PCCB: variants seen among roughly 807,000 people sequenced by gnomAD.
PCCB encodes the protein propionyl-CoA carboxylase subunit beta, also known as propionyl-CoA carboxylase beta chain, mitochondrial.
PCCB carries 43 observed loss-of-function variants against 60.7 expected under a neutral mutation model. That is an observed-to-expected ratio of 0.71 (90% CI 0.55 to 0.91). The LOEUF is 0.91. Ranked by LOEUF, PCCB falls within the 40% of genes least tolerant of loss-of-function variation. The pLI is 0.00. For synonymous variants in PCCB, 276 were observed against 255.9 expected (o/e 1.08, Z -0.75); for missense variants, 766 against 702.8 (o/e 1.09, Z -1.02).
At chr3:136,299,643 T>C (rs2032343815) in intron 8 of PCCB, among the ~76,000 whole-genome samples, 1 of 117,044 alleles carries the variant, frequency 8.5e-6, no homozygotes, top group Non-Finnish European at 1.8e-5. Flanking sequence ...TGTGTATGTA[T>C]GTATATGCAT....
chr3:136,251,762 C>CT (rs1941523732), intron 1 of PCCB, among the ~76,000 whole-genome samples: 1 of 152,192 alleles, frequency 6.6e-6, no homozygotes, highest in Non-Finnish European at 1.5e-5. Context: ...GGAACATCGC[C>CT]TAGCCCTTTC....
At chr3:136,262,154 T>C in intron 5 of PCCB, 89 bp downstream of exon 5, 2 of 823,830 alleles carry the variant, frequency 2.4e-6, no homozygotes, top group South Asian at 1.4e-5. Context: ...ACTCTCCTCA[T>C]TGTTCTCTGC....
rs1209661538 is a variant in PCCB at position 136,299,838 on chromosome 3, GTGTATGTATATGCATGCATA to G, written c.885-1172_885-1153del. 2.5e-4 allele frequency among the ~76,000 whole-genome samples: 37 copies of G among 148,836 alleles called. 1 individual carries two copies. The highest frequency in any genetic ancestry group is 1.2e-3 in the South Asian group (6 of 4,802). On this transcript the variant is annotated intron_variant, in intron 8 of 14. Transcript: ENST00000251654. ...TGCATGTGTATGTATGTATATGCAT[GTGTATGTATATGCATGCATA>G]TGTATGTATATGCATGCATGTGTAT...
intron 10 of PCCB, among the ~76,000 whole-genome samples, chr3:136,322,258 A>G (rs528617056): frequency 6.6e-5 from 10 of 152,316 alleles, no homozygotes; most frequent in African/African-American, 2.4e-4. Flanking sequence ...ATGATAGATT[A>G]CGTTAATTGA....
chr3:136,264,955 G>A (rs111731062), intron 5 of PCCB, among the ~76,000 whole-genome samples: 1,742 of 151,828 alleles, frequency 0.011, 32 homozygotes, highest in East Asian at 0.047. Context: ...CAGCACTTTG[G>A]GAGGCCGAGG....
At chr3:136,314,672 AAAC>A (rs575156876) in intron 9 of PCCB, among the ~76,000 whole-genome samples, 224 of 151,582 alleles carry the variant, frequency 1.5e-3, no homozygotes, top group Non-Finnish European at 2.7e-3. Context: ...ACAAAAACAA[AAAC>A]AAAAAAACAA....
chr3:136,296,804 T>C (rs1240867889), intron 7 of PCCB, among the ~76,000 whole-genome samples: 1 of 152,138 alleles, frequency 6.6e-6, no homozygotes, highest in Non-Finnish European at 1.5e-5. Context: ...GAATTAAAAA[T>C]TTAAAATAGA....
In PCCB at chr3:136,311,918, C is replaced by T. The variant is rs57648801; in HGVS notation, c.967-5023C>T. On this transcript the variant is annotated intron_variant, in intron 9 of 14. Transcript: ENST00000251654. ...ATAAATTTAAGGCAATCCCAATAAA[C>T]AGTTTTTAAAAACTAGAACTAGATA... Among the ~76,000 whole-genome samples, 1,079 of 152,270 alleles carry T rather than the reference C, an allele frequency of 7.1e-3. 16 individuals carry two copies. Among genetic ancestry groups the T allele is most frequent in the African/African-American group, 0.025 (1,026 of 41,546 alleles).
At position 136,303,604 on chromosome 3, in the gene PCCB, A is replaced by T. The variant is rs916614310; in HGVS notation, c.966+2493A>T. On this transcript the variant is annotated intron_variant, in intron 9 of 14. Transcript: ENST00000251654. ...ATTTGCTTTACTTATTTATTTATTT[A>T]AAAAAAATTTTTTTTTGAGACAGAG... 6.2e-4 allele frequency among the ~76,000 whole-genome samples: 75 copies of T among 121,594 alleles called. 24 individuals are homozygous for T. The highest frequency in any genetic ancestry group is 3.3e-4 in the Non-Finnish European group (18 of 54,764). The allele number at this position is 121,594 out of a possible 152,430, so 79.8% of individuals were successfully genotyped here.
chr3:136,299,326 A>G (rs968355927), intron 8 of PCCB, among the ~76,000 whole-genome samples: 2 of 152,026 alleles, frequency 1.3e-5, no homozygotes, highest in African/African-American at 4.8e-5. Flanking sequence ...ATGTATACAT[A>G]TTTGTGCATA....
intron 9 of PCCB, among the ~76,000 whole-genome samples, chr3:136,315,423 C>T (rs558823611): frequency 6.6e-6 from 1 of 152,172 alleles, no homozygotes; most frequent in South Asian, 2.1e-4. Flanking sequence ...CCCAGCTACT[C>T]GGGAGGCTTA....
chr3:136,303,521 T>G (rs1378655694), intron 9 of PCCB, among the ~76,000 whole-genome samples: 1 of 122,776 alleles, frequency 8.1e-6, no homozygotes, highest in Non-Finnish European at 1.8e-5. Context: ...TGATATTATG[T>G]GATACTAGTG....
intron 5 of PCCB, among the ~76,000 whole-genome samples, chr3:136,264,243 A>G (rs1414650584): frequency 6.6e-6 from 1 of 151,980 alleles, no homozygotes; most frequent in Non-Finnish European, 1.5e-5. Flanking sequence ...TTTCTAAAGA[A>G]TAAAGATATT....
At chr3:136,269,234 G>C (rs111667149) in intron 5 of PCCB, among the ~76,000 whole-genome samples, 21 of 152,226 alleles carry the variant, frequency 1.4e-4, no homozygotes, top group African/African-American at 5.1e-4. Context: ...ACTCCAGCCT[G>C]GGTGACAGAG....
intron 5 of PCCB, among the ~76,000 whole-genome samples, chr3:136,268,124 A>ATATATATATATATATATATATATGTG (rs1942084561): frequency 7.6e-6 from 1 of 132,088 alleles, no homozygotes; most frequent in African/African-American, 3.0e-5. Flanking sequence ...ATATATATGT[A>ATATATATATATATATATATATATGTG]TATATATATA....
In PCCB at chr3:136,328,847, A is replaced by G; in HGVS notation, c.1488A>G (p.Ala496=). The change falls in exon 14 of 15, where the codon GCA becomes GCG. Residue 496 remains alanine (A), a synonymous_variant. Coordinates refer to ENST00000251654, the MANE Select transcript of PCCB (RefSeq NM_000532.5). ...AGAAGTTTGCCAACCCTTTCCCTGC[A>G]GCAGTGCGAGGTAGGGGACTGTGGT... is the stretch of plus-strand genomic sequence containing the variant. ...YIEKFANPFP[A]AVRGFVDDII... 1 of 1,613,148 alleles carries G rather than the reference A, an allele frequency of 6.2e-7. No individual in the cohort carries two copies. Among genetic ancestry groups the G allele is most frequent in the Non-Finnish European group, 8.5e-7 (1 of 1,179,046 alleles).
rs1232273025 is a variant in PCCB, at chr3:136,317,125, A to C, written c.1090+61A>C. On this transcript the variant is annotated intron_variant, in intron 10 of 14. Transcript: ENST00000251654. ...TTGGAGGCCAGGGAAGCCTGGGTCC[A>C]TGGTATCCTTTCTGTCTTTTGCCTG... The C allele has an allele frequency of 4.4e-6, 7 of 1,574,912 alleles. No homozygotes were observed. The South Asian group carries it at 7.8e-5, about 17-fold the overall frequency.
chr3:136,319,187 T>C (rs1395951272), intron 10 of PCCB, among the ~76,000 whole-genome samples: 1 of 152,224 alleles, frequency 6.6e-6, no homozygotes, highest in Non-Finnish European at 1.5e-5. Context: ...TTTCATGTGC[T>C]TATTGGCCAT....
chr3:136,268,063 T>TAC (rs1942056810), intron 5 of PCCB, among the ~76,000 whole-genome samples: 1 of 91,622 alleles, frequency 1.1e-5, no homozygotes, highest in Non-Finnish European at 2.4e-5. Context: ...TGTGTGTGTG[T>TAC]GCGTGTGTGT....
Sources: gnomAD v4.1 joint callset for allele counts (sites outside exome capture counted in the v4.1 genomes callset) on GRCh38, gnomAD v4.1.1 for gene constraint, MANE v1.5 for transcripts, NCBI Gene and HGNC (gene_info 2026-07-23, HGNC 2026-07-21) for gene names.